TMEM132C: variants seen among roughly 807,000 people sequenced by gnomAD.
TMEM132C encodes the protein transmembrane protein 132C.
A neutral mutation model predicts 61.4 loss-of-function variants in TMEM132C; 29 were observed. That is an observed-to-expected ratio of 0.47 (90% CI 0.35 to 0.64). The LOEUF is 0.64. TMEM132C is among the 30% of genes least tolerant of loss of function. The pLI is 0.00. For synonymous variants in TMEM132C, 656 were observed against 633.1 expected (o/e 1.04, Z -0.54); for missense variants, 1,408 against 1,476.9 (o/e 0.95, Z 0.76).
chr12:128,582,080 ACC>A (rs1360078011), intron 3 of TMEM132C, among the ~76,000 whole-genome samples: 5 of 152,208 alleles, frequency 3.3e-5, no homozygotes, highest in African/African-American at 1.2e-4. Context: ...TCTCGAGGAG[ACC>A]ACCATAGAAG....
Position 128,313,933 on chromosome 12 carries a change from A to G in TMEM132C, c.85+46446A>G, listed in dbSNP as rs531734710. ...CCTAAGAGAGTCTTTGAGTTCCCTCAAAAGAAAAACCTGCCCCTTGTTTGA... is the reference window on the plus strand; with the variant it reads ...CCTAAGAGAGTCTTTGAGTTCCCTCGAAAGAAAAACCTGCCCCTTGTTTGA... On this transcript the variant is annotated intron_variant, in intron 1 of 8. Transcript: ENST00000435159. 4.6e-5 allele frequency among the ~76,000 whole-genome samples: 7 copies of G among 152,320 alleles called. No homozygotes were observed. The East Asian group carries it at 1.2e-3, about 25-fold the overall frequency.
chr12:128,378,175 C>T (rs1015485330), intron 1 of TMEM132C, among the ~76,000 whole-genome samples: 7 of 151,038 alleles, frequency 4.6e-5, no homozygotes, highest in East Asian at 1.9e-4. Context: ...AGTGCAGTGG[C>T]GCAATCTCGG....
chr12:128,294,991 ATAGATAGATAGG>A, intron 1 of TMEM132C, among the ~76,000 whole-genome samples: 1 of 149,578 alleles, frequency 6.7e-6, no homozygotes, highest in Non-Finnish European at 1.5e-5. Flanking sequence ...TAAATAATAG[ATAGATAGATAGG>A]TAGATAGATA....
intron 1 of TMEM132C, among the ~76,000 whole-genome samples, chr12:128,409,295 A>G (rs1371528677): frequency 6.6e-6 from 1 of 152,190 alleles, no homozygotes; most frequent in Non-Finnish European, 1.5e-5. Context: ...AAGGGGTGAC[A>G]TGCTGCACTT....
intron 1 of TMEM132C, among the ~76,000 whole-genome samples, chr12:128,340,855 T>TCC (rs1272104665): frequency 2.0e-5 from 3 of 148,938 alleles, no homozygotes; most frequent in African/African-American, 7.6e-5. Context: ...CTCTCTTTCT[T>TCC]TCTTCCTTCC....
At chr12:128,276,506 C>A (rs533078757) in intron 1 of TMEM132C, among the ~76,000 whole-genome samples, 15 of 152,188 alleles carry the variant, frequency 9.9e-5, no homozygotes, top group Non-Finnish European at 2.1e-4. Context: ...ATAATTCCAT[C>A]TGGCTTAGTG....
chr12:128,342,273 C>T (rs1024275590), intron 1 of TMEM132C, among the ~76,000 whole-genome samples: 1 of 152,130 alleles, frequency 6.6e-6, no homozygotes, highest in African/African-American at 2.4e-5. Context: ...TCCCAAAGTG[C>T]TGGGATTACA....
chr12:128,534,806 A>C (rs11059741), intron 2 of TMEM132C, among the ~76,000 whole-genome samples: 25,769 of 152,220 alleles, frequency 0.17, 6,351 homozygotes, highest in African/African-American at 0.53. Context: ...AAACCTATGC[A>C]TTTCTCCCAT....
intron 8 of TMEM132C, 109 bp downstream of exon 8, chr12:128,697,524 G>A (rs883054): frequency 0.77 from 870,194 of 1,134,466 alleles, 338,698 homozygotes; most frequent in East Asian, 0.92. Context: ...GCAGAACCAT[G>A]TTCCACAATG....
chr12:128,411,137 T>A (rs1287501035), intron 1 of TMEM132C, among the ~76,000 whole-genome samples: 1 of 152,208 alleles, frequency 6.6e-6, no homozygotes, highest in Non-Finnish European at 1.5e-5. Context: ...TTCCTGGTGA[T>A]GTCAATTTTG....
chr12:128,559,522 A>G (rs1261916275), intron 3 of TMEM132C, among the ~76,000 whole-genome samples: 2 of 152,224 alleles, frequency 1.3e-5, no homozygotes, highest in South Asian at 4.1e-4. Context: ...ATTGCATATT[A>G]GCATGTTACC....
chr12:128,487,417 C>T (rs1380744744), intron 2 of TMEM132C, among the ~76,000 whole-genome samples: 1 of 152,078 alleles, frequency 6.6e-6, no homozygotes, highest in Non-Finnish European at 1.5e-5. Context: ...CCAAAATGAG[C>T]TACTTTGGTC....
chr12:128,466,277 G>A (rs912985869), intron 2 of TMEM132C, among the ~76,000 whole-genome samples: 1 of 152,164 alleles, frequency 6.6e-6, no homozygotes, highest in Non-Finnish European at 1.5e-5. Context: ...AGAACCGCTG[G>A]AGAGTCAGCA....
At chr12:128,337,256 A>C (rs1872814160) in intron 1 of TMEM132C, among the ~76,000 whole-genome samples, 1 of 152,022 alleles carries the variant, frequency 6.6e-6, no homozygotes, top group Admixed American at 6.6e-5. Context: ...CTGGCTTATT[A>C]TATTCAATGG....
chr12:128,586,506 G>A (rs1169004971), intron 3 of TMEM132C, among the ~76,000 whole-genome samples: 1 of 152,052 alleles, frequency 6.6e-6, no homozygotes, highest in African/African-American at 2.4e-5. Context: ...ACTACAGGGG[G>A]AAATGGGATT....
rs369544127 is a variant in TMEM132C at position 128,334,478 on chromosome 12, G to A, written c.85+66991G>A. 2.4e-3 allele frequency among the ~76,000 whole-genome samples: 358 copies of A among 152,256 alleles called. 3 individuals carry two copies. The highest frequency in any genetic ancestry group is 0.01 in the Middle Eastern group (3 of 294). On this transcript the variant is annotated intron_variant, in intron 1 of 8. Transcript: ENST00000435159. The stretch of plus-strand genomic sequence containing the variant: ...CCATCATCAACCCTCTTTAGAAGAC[G>A]TTTAACATTTACTTCTAATGTCATT...
rs116256560 is a variant in TMEM132C at position 128,622,631 on chromosome 12, C to T, written c.1305+6296C>T. 6.5e-3 allele frequency among the ~76,000 whole-genome samples: 985 copies of T among 151,728 alleles called. 12 individuals are homozygous for T. Among genetic ancestry groups the T allele is most frequent in the African/African-American group, 0.023 (942 of 41,370 alleles). On this transcript the variant is annotated intron_variant, in intron 4 of 8. Transcript: ENST00000435159. Reference sequence around the variant, plus strand: ...CTGCAGAGATGCTATCGGATCTGCACGTCAATCTGCAGGTGATGGATGGCT... The same window carrying T: ...CTGCAGAGATGCTATCGGATCTGCATGTCAATCTGCAGGTGATGGATGGCT...
chr12:128,390,178 C>T (rs1168526283), intron 1 of TMEM132C, among the ~76,000 whole-genome samples: 3 of 152,138 alleles, frequency 2.0e-5, no homozygotes, highest in South Asian at 2.1e-4. Context: ...GCAGGTTATT[C>T]GTTTTCTGGG....
At chr12:128,355,325 G>T (rs1410266144) in intron 1 of TMEM132C, among the ~76,000 whole-genome samples, 1 of 152,134 alleles carries the variant, frequency 6.6e-6, no homozygotes, top group Non-Finnish European at 1.5e-5. Context: ...TTGTGCCTGA[G>T]GAGGGTCCCT....
Sources: allele counts gnomAD v4.1 joint callset (sites outside exome capture counted in the v4.1 genomes callset), GRCh38; gene constraint gnomAD v4.1.1; transcripts MANE v1.5; gene names NCBI Gene and HGNC (gene_info 2026-07-23, HGNC 2026-07-21).